MAF: variants seen among roughly 807,000 people sequenced by gnomAD.
MAF encodes MAF bZIP transcription factor.
In MAF, 10 loss-of-function variants were observed where a neutral mutation model predicts 22.0. That is an observed-to-expected ratio of 0.45 (90% CI 0.28 to 0.77). The LOEUF (loss-of-function observed/expected upper bound fraction) is 0.77, where lower values mean the gene tolerates loss of function less well. Ranked by LOEUF, MAF falls within the 30% of genes least tolerant of loss-of-function variation. MAF has a pLI of 0.12. For missense variants in MAF, 544 were observed against 548.4 expected, an observed-to-expected ratio of 0.99 and a Z score of 0.08; for synonymous variants, 337 against 255.8, an observed-to-expected ratio of 1.32 and a Z score of -3.03.
chr16:79,568,895 A>T, the MAF span, among the ~76,000 whole-genome samples: 1 of 152,252 alleles, frequency 6.6e-6, no homozygotes, highest in Non-Finnish European at 1.5e-5. Context: ...CCTTACAAGC[A>T]TTCTTCAGAA....
chr16:79,350,572 G>A, the MAF span, among the ~76,000 whole-genome samples: 4 of 152,158 alleles, frequency 2.6e-5, no homozygotes, highest in African/African-American at 9.7e-5. Flanking sequence ...GAAGTGATAT[G>A]CATCCCTCCA....
chr16:79,400,873 G>A, the MAF span, among the ~76,000 whole-genome samples: 1 of 152,252 alleles, frequency 6.6e-6, no homozygotes, highest in African/African-American at 2.4e-5. Flanking sequence ...ATCTTCCGGG[G>A]AAGGAGGAGC....
chr16:79,428,775 G>T, the MAF span, among the ~76,000 whole-genome samples: 6 of 152,108 alleles, frequency 3.9e-5, no homozygotes, highest in South Asian at 1.3e-3. Flanking sequence ...AGCCCAGGAG[G>T]TCGAGGCTGC....
At chr16:79,437,133 GCTCTCTCT>G in the MAF span, among the ~76,000 whole-genome samples, 8 of 98,354 alleles carry the variant, frequency 8.1e-5, no homozygotes, top group Admixed American at 4.2e-4. Flanking sequence ...ATGGGAGAAA[GCTCTCTCT>G]CTCTCTGTGT....
the MAF span, among the ~76,000 whole-genome samples, chr16:79,546,268 A>C: frequency 6.8e-6 from 1 of 148,142 alleles, no homozygotes; most frequent in Non-Finnish European, 1.5e-5. Context: ...TTGATTGGTA[A>C]CCCAAATGAA....
the MAF span, among the ~76,000 whole-genome samples, chr16:79,208,054 T>G: frequency 6.6e-6 from 1 of 152,338 alleles, no homozygotes; most frequent in South Asian, 2.1e-4. Context: ...AAGATTGTGC[T>G]GCAAATCTGA....
At chr16:79,356,465 T>C in the MAF span, among the ~76,000 whole-genome samples, 1 of 152,276 alleles carries the variant, frequency 6.6e-6, no homozygotes, top group Middle Eastern at 3.4e-3. Context: ...TCAAGCATGC[T>C]TGAGGCTTTC....
At chr16:79,338,441 C>G in the MAF span, among the ~76,000 whole-genome samples, 1 of 152,136 alleles carries the variant, frequency 6.6e-6, no homozygotes, top group African/African-American at 2.4e-5. Context: ...TAAAGATTTT[C>G]TACACTTTTG....
the MAF span, among the ~76,000 whole-genome samples, chr16:79,472,935 G>C: frequency 1.3e-5 from 2 of 151,978 alleles, no homozygotes; most frequent in East Asian, 3.9e-4. Context: ...ACCGAGGCCC[G>C]GTACCATATG....
In MAF at chr16:79,598,601, T is replaced by TGTGC. The variant is rs777759060; in HGVS notation, c.1118+183_1118+184insGCAC. 40,064 of 1,482,918 alleles carry TGTGC rather than the reference T, an allele frequency of 0.027. 215 individuals carry two copies. The highest frequency in any genetic ancestry group is 0.03 in the Middle Eastern group (124 of 4,168). 91.9% of individuals were successfully genotyped at this position (1,482,918 alleles called of 1,614,324 possible). Reference sequence around the variant, plus strand: ...TGTGGGGTGTGTGTGTGTGTGTGTGTGTGTGTGTGGTGTGTGCGTGCGGGT... The same window carrying TGTGC: ...TGTGGGGTGTGTGTGTGTGTGTGTGTGTGCGTGTGTGTGGTGTGTGCGTGCGGGT... On this transcript the variant is annotated intron_variant, in intron 1 of 1. Transcript: ENST00000326043.
the MAF span, among the ~76,000 whole-genome samples, chr16:79,396,435 C>T: frequency 6.6e-6 from 1 of 152,182 alleles, no homozygotes; most frequent in Non-Finnish European, 1.5e-5. Context: ...TAAGAAAAAG[C>T]TCGATTCAAT....
At chr16:79,421,638 A>ATTTTTTTTTTTTTTTT in the MAF span, among the ~76,000 whole-genome samples, 1 of 144,784 alleles carries the variant, frequency 6.9e-6, no homozygotes, top group African/African-American at 2.6e-5. Context: ...AAGAAAAGTG[A>ATTTTTTTTTTTTTTTT]TTTTTTTTTT....
At chr16:79,309,035 T>C in the MAF span, among the ~76,000 whole-genome samples, 3 of 152,136 alleles carry the variant, frequency 2.0e-5, no homozygotes, top group Non-Finnish European at 2.9e-5. Context: ...CTGGGTGATA[T>C]GAAGGAGTTG....
chr16:79,263,549 C>T, the MAF span, among the ~76,000 whole-genome samples: 1 of 152,220 alleles, frequency 6.6e-6, no homozygotes, highest in East Asian at 1.9e-4. Flanking sequence ...CAATACCTTT[C>T]CCCTTGTGGG....
At chr16:79,281,398 A>G in the MAF span, among the ~76,000 whole-genome samples, 2 of 152,202 alleles carry the variant, frequency 1.3e-5, no homozygotes, top group African/African-American at 2.4e-5. Context: ...CAAATAAAAA[A>G]GAGAGCCATA....
At chr16:79,328,990 A>G in the MAF span, among the ~76,000 whole-genome samples, 1 of 152,078 alleles carries the variant, frequency 6.6e-6, no homozygotes, top group Non-Finnish European at 1.5e-5. Context: ...TAATAACCAC[A>G]GCTCTGAAAC....
At chr16:79,445,802 GCTC>G in the MAF span, among the ~76,000 whole-genome samples, 2 of 152,176 alleles carry the variant, frequency 1.3e-5, no homozygotes, top group Non-Finnish European at 2.9e-5. Context: ...TATTACAATT[GCTC>G]CTAAATGTTT....
the MAF span, among the ~76,000 whole-genome samples, chr16:79,344,833 C>A: frequency 6.6e-6 from 1 of 152,152 alleles, no homozygotes; most frequent in Non-Finnish European, 1.5e-5. Flanking sequence ...TTGTCAAGAA[C>A]ATAAGGACCG....
chr16:79,580,232 G>A, the MAF span, among the ~76,000 whole-genome samples: 7 of 152,104 alleles, frequency 4.6e-5, no homozygotes, highest in African/African-American at 1.7e-4. Flanking sequence ...CCACAGATCT[G>A]CAGGGATGGT....
Sources: allele counts gnomAD v4.1 joint callset (sites outside exome capture counted in the v4.1 genomes callset), GRCh38; gene constraint gnomAD v4.1.1; transcripts MANE v1.5; gene names NCBI Gene and HGNC (gene_info 2026-07-23, HGNC 2026-07-21).